The following TPR variants were observed in gnomAD, a reference collection of about 807,000 sequenced individuals.
TPR encodes translocated promoter region, nuclear basket protein.
A neutral mutation model predicts 316.1 loss-of-function variants in TPR; 51 were observed. The ratio of observed to expected loss-of-function variants is 0.16; its 90% CI spans 0.13 to 0.20. The LOEUF (loss-of-function observed/expected upper bound fraction) is 0.20. TPR is among the 10% of genes least tolerant of loss of function. The pLI, the probability that TPR is intolerant of heterozygous loss-of-function variation, is 1.00. For missense variants in TPR, 2,272 were observed against 2,754.8 expected (o/e 0.82, Z 3.92); for synonymous variants, 981 against 914.7 (o/e 1.07, Z -1.31).
Position 186,350,346 on chromosome 1 carries a change from T to C in TPR, c.2653A>G (p.Asn885Asp). Reference sequence around the variant, plus strand: ...AGTTCTTTTGTGTTAAGATGAAGATTTGTCTCTGTATCCAGTTGTCTCTTT... The same window carrying C: ...AGTTCTTTTGTGTTAAGATGAAGATCTGTCTCTGTATCCAGTTGTCTCTTT... Reference protein sequence around the residue: ...DTKRQLDTETNLHLNTKELLK... With the variant: ...DTKRQLDTETDLHLNTKELLK... The change falls in exon 21 of 51, where the codon AAT becomes GAT. Residue 885 changes from asparagine (N) to aspartate (D), a missense_variant. This residue lies in a region of TPR where 757 missense variants were observed against 859.8 expected (regional missense o/e 0.88). Transcript: ENST00000367478. 1 of 1,612,772 alleles carries C rather than the reference T, an allele frequency of 6.2e-7. No individual in the cohort carries two copies.
chr1:186,344,176 T>C (rs1658605913), intron 25 of TPR, 86 bp from the exon 26 acceptor site: 2 of 1,471,376 alleles, frequency 1.4e-6, no homozygotes, highest in Admixed American at 2.2e-5. Flanking sequence ...GGCTAACGCC[T>C]GTAATCCCGA....
At chr1:186,367,062 T>A (rs1303105188) in intron 4 of TPR, among the ~76,000 whole-genome samples, 2 of 69,778 alleles carry the variant, frequency 2.9e-5, no homozygotes. Context: ...CAAAACACCT[T>A]TTTTTTTTTT....
chr1:186,333,281 C>G lies in TPR; in HGVS notation c.5296G>C (p.Val1766Leu), dbSNP rs773905064. The change falls in exon 37 of 51, where the codon GTT becomes CTT. Residue 1766 changes from valine (V) to leucine (L), a missense_variant. Physicochemically the swap from Val to Leu is conservative, Grantham distance 32 (BLOSUM62 1). Transcript: ENST00000367478. ...QPSISQPILT[V>L]QQQTQATAFV... ...GCTGTAGCCTGTGTTTGTTGCTGAA[C>G]AGTTAAAATAGGTTGAGAGATAGAA... 1.2e-6 allele frequency: 2 copies of G among 1,613,644 alleles called. No individual in the cohort carries two copies. The highest frequency in any genetic ancestry group is 3.3e-5 in the Admixed American group (2 of 59,956).
chr1:186,357,767 T>C (rs1430743176), intron 13 of TPR, 144 bp from the exon 14 acceptor site: 3 of 682,128 alleles, frequency 4.4e-6, no homozygotes, highest in Non-Finnish European at 7.0e-6. Flanking sequence ...TAAAGCATCC[T>C]TGGATATTAA....
chr1:186,354,722 C>T (rs1457153521), intron 17 of TPR, among the ~76,000 whole-genome samples: 3 of 152,042 alleles, frequency 2.0e-5, no homozygotes, highest in African/African-American at 7.2e-5. Flanking sequence ...AATTAATTCT[C>T]CTAAAACTAC....
chr1:186,375,163 G>C lies in TPR; in HGVS notation c.-135C>G. 1 of 1,542,420 alleles carries C rather than the reference G, an allele frequency of 6.5e-7. No homozygotes were observed. The highest frequency in any genetic ancestry group is 8.7e-7 in the Non-Finnish European group (1 of 1,143,258). On this transcript the variant is annotated 5_prime_UTR_variant, in exon 1 of 51. Transcript: ENST00000367478. ...CTCGGTGGCTCGCGCGCGCCCGCCC[G>C]CCGGAGACTCCCGCGGCGGGACCCT... is the stretch of plus-strand genomic sequence containing the variant.
At chr1:186,325,023 C>T (rs1011775713) in intron 42 of TPR, among the ~76,000 whole-genome samples, 1 of 151,942 alleles carries the variant, frequency 6.6e-6, no homozygotes, top group African/African-American at 2.4e-5. Flanking sequence ...ATGTATTTTT[C>T]TCTTAAAAAA....
intron 40 of TPR, among the ~76,000 whole-genome samples, chr1:186,327,174 TA>T (rs1282369292): frequency 0.052 from 10 of 194 alleles, 3 homozygotes; most frequent in Non-Finnish European, 0.09. Flanking sequence ...ACATATATAT[TA>T]TATATATAAA....
intron 35 of TPR, among the ~76,000 whole-genome samples, 156 bp downstream of exon 35, chr1:186,334,912 G>A (rs1206968012): frequency 1.3e-5 from 2 of 152,054 alleles, no homozygotes; most frequent in African/African-American, 2.4e-5. Flanking sequence ...AAAACAAGCT[G>A]GCAAATACAT....
intron 39 of TPR, among the ~76,000 whole-genome samples, chr1:186,330,521 A>G (rs188814873): frequency 3.9e-5 from 6 of 152,230 alleles, no homozygotes; most frequent in Admixed American, 2.6e-4. Flanking sequence ...CAAAGTGAAC[A>G]TGGGATGTAT....
intron 43 of TPR, 41 bp from the exon 44 acceptor site, chr1:186,322,627 T>A: frequency 1.2e-6 from 2 of 1,601,592 alleles, no homozygotes; most frequent in Non-Finnish European, 1.7e-6. Context: ...CTTTAAGAAA[T>A]GAGGCAATGA....
intron 27 of TPR, 26 bp downstream of exon 27, chr1:186,343,300 G>A: frequency 1.3e-6 from 2 of 1,593,730 alleles, no homozygotes; most frequent in Non-Finnish European, 1.7e-6. Flanking sequence ...TTTAACAAGT[G>A]CTTTCTTAAA....
Position 186,375,067 on chromosome 1 carries a change from G to A in TPR, c.-39C>T, listed in dbSNP as rs997261944. 6.2e-7 allele frequency: 1 copy of A among 1,612,908 alleles called. No individual in the cohort carries two copies. Among genetic ancestry groups the A allele is most frequent in the African/African-American group, 1.3e-5 (1 of 74,890 alleles). ...GGGACCCCAGTGGCAGCGGCCGACG[G>A]GGTAGAAGCGGAGAAGAAAGGCGAA... is the stretch of plus-strand genomic sequence containing the variant. On this transcript the variant is annotated 5_prime_UTR_variant, in exon 1 of 51. Coordinates refer to ENST00000367478, the MANE Select transcript of TPR (RefSeq NM_003292.3).
At position 186,312,247 on chromosome 1, in the gene TPR, A is replaced by G. The variant is rs1657309090; in HGVS notation, c.*1724T>C. Reference sequence around the variant, plus strand: ...TGCCCTGGAAGAAGGCCTGCTCTAAATTATCCAGTGTATGGAGAAACGACA... The same window carrying G: ...TGCCCTGGAAGAAGGCCTGCTCTAAGTTATCCAGTGTATGGAGAAACGACA... On this transcript the variant is annotated 3_prime_UTR_variant, in exon 51 of 51. Transcript: ENST00000367478. The G allele has an allele frequency of 6.2e-7, 1 of 1,614,114 alleles. No individual in the cohort carries two copies. The highest frequency in any genetic ancestry group is 8.5e-7 in the Non-Finnish European group (1 of 1,179,960).
chr1:186,319,634 A>C (rs1340676758), intron 46 of TPR, among the ~76,000 whole-genome samples: 4 of 152,204 alleles, frequency 2.6e-5, no homozygotes, highest in Admixed American at 2.0e-4. Context: ...CAGATGTTAC[A>C]TTACATGACT....
At chr1:186,325,919 ATAAT>A in intron 41 of TPR, 65 bp from the exon 42 acceptor site, 1 of 1,585,380 alleles carries the variant, frequency 6.3e-7, no homozygotes, top group Non-Finnish European at 8.6e-7. Flanking sequence ...ACCGGACAGA[ATAAT>A]TAACCAAACC....
Position 186,312,933 on chromosome 1 carries a change from C to A in TPR, c.*1038G>T. The A allele has an allele frequency of 6.3e-7, 1 of 1,583,910 alleles. No homozygotes were observed. Among genetic ancestry groups the A allele is most frequent in the South Asian group, 1.1e-5 (1 of 90,374 alleles). ...TAACAGTTTCCCAAGGAGGTGATAT[C>A]ATTTGTGAAAACATGAAGATAAAGT... On this transcript the variant is annotated 3_prime_UTR_variant, in exon 51 of 51. Transcript: ENST00000367478.
chr1:186,370,424 C>T (rs1176621645), intron 3 of TPR, among the ~76,000 whole-genome samples: 2 of 152,026 alleles, frequency 1.3e-5, no homozygotes, highest in Non-Finnish European at 2.9e-5. Flanking sequence ...TCTTACAAAG[C>T]CTTTCTAGGT....
chr1:186,331,403 TAA>T (rs879058159), intron 39 of TPR, 93 bp downstream of exon 39: 174 of 668,872 alleles, frequency 2.6e-4, no homozygotes, highest in South Asian at 4.6e-4. Flanking sequence ...AAGAACAAGC[TAA>T]AAAAAAAAAG....
Sources: allele counts gnomAD v4.1 joint callset (sites outside exome capture counted in the v4.1 genomes callset), GRCh38; gene constraint gnomAD v4.1.1; regional missense constraint gnomAD v4.1.1; transcripts MANE v1.5; gene names NCBI Gene and HGNC (gene_info 2026-07-23, HGNC 2026-07-21).